The following EHD4 variants were observed in gnomAD, a reference collection of about 807,000 sequenced individuals.
EHD4 encodes the protein EH domain-containing protein 4.
EHD4 carries 37 observed loss-of-function variants against 51.0 expected under a neutral mutation model. The observed-to-expected ratio is 0.73, with a 90% CI of 0.56 to 0.95. The LOEUF is 0.95. Ranked by LOEUF, EHD4 falls within the 40% of genes least tolerant of loss-of-function variation. The pLI is 0.00. For synonymous variants in EHD4, 297 were observed against 317.3 expected, an observed-to-expected ratio of 0.94 and a Z score of 0.68; for missense variants, 632 against 733.1, an observed-to-expected ratio of 0.86 and a Z score of 1.59.
In EHD4 at chr15:41,899,262, AC is replaced by A. The variant is rs2067459994; in HGVS notation, c.*1382del. ...GGAGATTTGCAAGGAAAAGTCACCT[AC>A]CTCCCCAAGCTGGTGCCCACAGAGG... On this transcript the variant is annotated 3_prime_UTR_variant, in exon 6 of 6. Transcript: ENST00000220325. 6.6e-6 allele frequency: 1 copy of A among 151,936 alleles called. No homozygotes were observed. The highest frequency in any genetic ancestry group is 1.5e-5 in the Non-Finnish European group (1 of 67,992). 9.4% of individuals were successfully genotyped at this position (151,936 alleles called of 1,614,324 possible). A position where few individuals can be genotyped will look rare whatever the true frequency, so the allele number is the denominator to read the frequency against.
intron 3 of EHD4, chr15:41,928,509 G>A (rs1039997104): frequency 2.6e-5 from 4 of 152,188 alleles, no homozygotes; most frequent in Non-Finnish European, 5.9e-5. Context: ...AATCAGAGGT[G>A]AGTGTACTTT....
At chr15:41,905,154 C>T (rs781602171) in intron 5 of EHD4, among the ~76,000 whole-genome samples, 1 of 152,184 alleles carries the variant, frequency 6.6e-6, no homozygotes, top group Non-Finnish European at 1.5e-5. Flanking sequence ...TGGGACAGGC[C>T]CTAACCCACA....
intron 2 of EHD4, among the ~76,000 whole-genome samples, chr15:41,944,928 C>T (rs918456048): frequency 1.3e-5 from 2 of 152,178 alleles, no homozygotes; most frequent in East Asian, 3.8e-4. Flanking sequence ...AACCCTACTA[C>T]CCAACACGGG....
chr15:41,908,873 C>G (rs547504479), intron 5 of EHD4, among the ~76,000 whole-genome samples: 1 of 152,262 alleles, frequency 6.6e-6, no homozygotes, highest in Non-Finnish European at 1.5e-5. Context: ...GCCTGCTCCA[C>G]TGTTTGCGTT....
At position 41,900,616 on chromosome 15, in the gene EHD4, A is replaced by G. The variant is rs953873763; in HGVS notation, c.*29T>C. The G allele has an allele frequency of 1.3e-6, 2 of 1,539,996 alleles. No homozygotes were observed. The highest frequency in any genetic ancestry group is 2.7e-5 in the African/African-American group (2 of 73,916). ...AGCAGGCCTGAGGCCCAGGTCCCCC[A>G]GTTCCCACCCCGTTCTGCAGCCCAC... On this transcript the variant is annotated 3_prime_UTR_variant, in exon 6 of 6. Transcript: ENST00000220325. The surrounding 1 kb of genome is among the most constrained non-coding windows in gnomAD (Gnocchi z 4.8).
At chr15:41,971,624 A>T (rs538250978) in intron 1 of EHD4, among the ~76,000 whole-genome samples, 1 of 152,234 alleles carries the variant, frequency 6.6e-6, no homozygotes, top group Non-Finnish European at 1.5e-5. Context: ...AACAAATAGT[A>T]ATATGACACT....
intron 3 of EHD4, chr15:41,942,815 A>G (rs1004490750): frequency 1.2e-5 from 2 of 166,864 alleles, no homozygotes; most frequent in African/African-American, 1.3e-4. Flanking sequence ...GATACCTCCC[A>G]TTGTTTACCC....
At chr15:41,964,224 C>A (rs1299209952) in intron 1 of EHD4, among the ~76,000 whole-genome samples, 1 of 147,850 alleles carries the variant, frequency 6.8e-6, no homozygotes, top group Non-Finnish European at 1.5e-5. Context: ...ACAATTCAGA[C>A]AATTCACAAA....
At position 41,898,162 on chromosome 15, in the gene EHD4, C is replaced by G. The variant is rs2067452050; in HGVS notation, c.*2483G>C. ...GATTTCCTTTTTTTTTCCTTTCTCT[C>G]CAAGAACATTACCAGGTGCCAGCAG... On this transcript the variant is annotated 3_prime_UTR_variant, in exon 6 of 6. Coordinates refer to ENST00000220325, the MANE Select transcript of EHD4 (RefSeq NM_139265.4). The G allele has an allele frequency of 6.6e-6, 1 of 152,018 alleles. No homozygotes were observed. 9.4% of individuals were successfully genotyped at this position (152,018 alleles called of 1,614,324 possible).
In EHD4 at chr15:41,922,089, T is replaced by C. The variant is rs911464777; in HGVS notation, c.512-2467A>G. 8.3e-4 allele frequency among the ~76,000 whole-genome samples: 127 copies of C among 152,198 alleles called. 1 individual carries two copies. Among genetic ancestry groups the C allele is most frequent in the African/African-American group, 3.0e-3 (124 of 41,440 alleles). On this transcript the variant is annotated intron_variant, in intron 3 of 5. Transcript: ENST00000220325. Reference sequence around the variant, plus strand: ...GTTAGAATCAGCTTCTTTGGTTTGCTATTGAAAGTGATGATAAGGCTGGGC... The same window carrying C: ...GTTAGAATCAGCTTCTTTGGTTTGCCATTGAAAGTGATGATAAGGCTGGGC...
At chr15:41,963,283 G>A (rs532508367) in intron 1 of EHD4, among the ~76,000 whole-genome samples, 1 of 130,596 alleles carries the variant, frequency 7.7e-6, no homozygotes, top group African/African-American at 2.8e-5. Flanking sequence ...ACCCAAGAAT[G>A]ATCAATAAAT....
intron 3 of EHD4, among the ~76,000 whole-genome samples, chr15:41,940,020 T>C (rs1442378012): frequency 6.6e-6 from 1 of 152,112 alleles, no homozygotes; most frequent in African/African-American, 2.4e-5. Flanking sequence ...GGTCTCACTA[T>C]GTTGGCCAAG....
At chr15:41,909,534 C>T (rs1197852944) in intron 5 of EHD4, among the ~76,000 whole-genome samples, 165 bp downstream of exon 5, 1 of 152,210 alleles carries the variant, frequency 6.6e-6, no homozygotes, top group African/African-American at 2.4e-5. Context: ...GGAAGACAGG[C>T]AATTTCTGCT....
chr15:41,960,818 C>T (rs1223674018), intron 1 of EHD4, among the ~76,000 whole-genome samples: 4 of 151,866 alleles, frequency 2.6e-5, no homozygotes, highest in African/African-American at 4.8e-5. Context: ...GGATTACAGG[C>T]GTCCGCCACA....
At chr15:41,952,191 G>A (rs542383794) in intron 2 of EHD4, among the ~76,000 whole-genome samples, 26 of 152,300 alleles carry the variant, frequency 1.7e-4, no homozygotes, top group African/African-American at 6.3e-4. Flanking sequence ...CCACATGAAT[G>A]GTGCCCCTGG....
chr15:41,939,294 T>C (rs1278590475), intron 3 of EHD4, among the ~76,000 whole-genome samples: 1 of 152,238 alleles, frequency 6.6e-6, no homozygotes, highest in Non-Finnish European at 1.5e-5. Context: ...TTATTATAAA[T>C]ATATCAGAAC....
intron 1 of EHD4, among the ~76,000 whole-genome samples, chr15:41,960,070 G>C (rs1469644285): frequency 5.3e-5 from 8 of 151,540 alleles, no homozygotes; most frequent in East Asian, 1.9e-4. Context: ...AGTCTTACAA[G>C]ATAGGCCAAG....
chr15:41,921,198 T>C (rs2067622880), intron 3 of EHD4, among the ~76,000 whole-genome samples: 1 of 152,206 alleles, frequency 6.6e-6, no homozygotes, highest in African/African-American at 2.4e-5. Context: ...GTGTGGTGTT[T>C]ATGCCGCCAC....
intron 5 of EHD4, among the ~76,000 whole-genome samples, chr15:41,907,218 G>A (rs1203996369): frequency 1.3e-5 from 2 of 152,242 alleles, no homozygotes; most frequent in Non-Finnish European, 2.9e-5. Flanking sequence ...GCGAGGCACA[G>A]AGGCCCCAAC....
Sources: gnomAD v4.1 joint callset for allele counts (sites outside exome capture counted in the v4.1 genomes callset) on GRCh38, gnomAD v4.1.1 for gene constraint, Gnocchi (gnomAD v3.1) non-coding constraint, MANE v1.5 for transcripts, NCBI Gene and HGNC (gene_info 2026-07-23, HGNC 2026-07-21) for gene names.